Variants in NHS observed in about 807,000 individuals in gnomAD.
The protein encoded by NHS is NHS actin remodeling regulator, also known as actin remodeling regulator NHS.
NHS carries 5 observed loss-of-function variants against 72.5 expected under a neutral mutation model. The ratio of observed to expected loss-of-function variants is 0.07; its 90% confidence interval spans 0.04 to 0.14. The LOEUF (loss-of-function observed/expected upper bound fraction) is 0.14. Among genes scored for constraint, NHS ranks in the 10% least tolerant of loss-of-function variants. The pLI is 1.00. For missense variants in NHS, 1,072 were observed against 1,355.7 expected (o/e 0.79, Z 3.29); for synonymous variants, 464 against 547.7 (o/e 0.85, Z 2.13).
chrX:17,534,712 C>G (rs1478687216), intron 1 of NHS, among the ~76,000 whole-genome samples: 4 of 111,960 alleles, frequency 3.6e-5, no homozygotes, highest in African/African-American at 1.3e-4. Context: ...TCCACAGGCC[C>G]TGGTTGTTTG....
intron 3 of NHS, among the ~76,000 whole-genome samples, chrX:17,711,587 G>A (rs1424394653): frequency 1.8e-5 from 2 of 111,836 alleles, no homozygotes; most frequent in Non-Finnish European, 3.8e-5. Context: ...AGAGAGAGAT[G>A]CTTTGCAGTC....
intron 1 of NHS, chrX:17,585,945 GAGA>G (rs1345245740): frequency 2.7e-5 from 3 of 110,554 alleles, no homozygotes; most frequent in Non-Finnish European, 5.7e-5. Context: ...CAGAAGAAAT[GAGA>G]AGAACCTCGA....
chrX:17,572,559 G>A (rs1163804311), intron 1 of NHS, among the ~76,000 whole-genome samples: 2 of 85,881 alleles, frequency 2.3e-5, no homozygotes. Flanking sequence ...TTTATTTTGA[G>A]CCTTTGTGTG....
chrX:17,572,037 G>C (rs750298892), intron 1 of NHS, among the ~76,000 whole-genome samples: 1 of 112,242 alleles, frequency 8.9e-6, no homozygotes, highest in South Asian at 3.7e-4. Context: ...GAGACATTTT[G>C]TTGTGATTTC....
intron 1 of NHS, among the ~76,000 whole-genome samples, chrX:17,403,464 C>G (rs1274368243): frequency 9.0e-6 from 1 of 111,680 alleles, no homozygotes; most frequent in Admixed American, 9.5e-5. Flanking sequence ...TCCCACTGTT[C>G]TTGGTGGAAC....
chrX:17,702,170 ATAAT>A (rs1166881926), intron 3 of NHS, among the ~76,000 whole-genome samples: 1 of 110,827 alleles, frequency 9.0e-6, no homozygotes, highest in Non-Finnish European at 1.9e-5. Context: ...CCATAAATAA[ATAAT>A]TATCATCAAC....
intron 1 of NHS, among the ~76,000 whole-genome samples, chrX:17,561,056 A>T (rs775710460): frequency 8.9e-5 from 10 of 112,645 alleles, no homozygotes; most frequent in Non-Finnish European, 1.9e-4. Flanking sequence ...TCATTCTCTC[A>T]GAAACGAACC....
At chrX:17,476,413 A>T (rs1237228044) in intron 1 of NHS, among the ~76,000 whole-genome samples, 2 of 111,605 alleles carry the variant, frequency 1.8e-5, no homozygotes, top group African/African-American at 6.5e-5. Flanking sequence ...GCCTAAGAGC[A>T]GGAATTAGAT....
chrX:17,537,167 C>T (rs113284220), intron 1 of NHS, among the ~76,000 whole-genome samples: 5,811 of 111,986 alleles, frequency 0.052, 401 homozygotes, highest in African/African-American at 0.18. Context: ...GTATATGGCA[C>T]CAAACTTGAA....
At chrX:17,641,498 T>C (rs2065880539) in intron 1 of NHS, among the ~76,000 whole-genome samples, 1 of 111,878 alleles carries the variant, frequency 8.9e-6, no homozygotes, top group African/African-American at 3.3e-5. Context: ...GTCCAACATA[T>C]CACGCTGAAA....
intron 3 of NHS, among the ~76,000 whole-genome samples, chrX:17,706,361 A>G (rs1264719242): frequency 8.9e-6 from 1 of 111,822 alleles, no homozygotes; most frequent in Non-Finnish European, 1.9e-5. Context: ...ATCAATGCTA[A>G]TGACCTGGTT....
At chrX:17,466,037 C>T in intron 1 of NHS, among the ~76,000 whole-genome samples, 1 of 113,395 alleles carries the variant, frequency 8.8e-6, no homozygotes, top group Admixed American at 9.3e-5. Context: ...CATCTGCATG[C>T]ATGTGCCTTC....
chrX:17,500,187 A>C (rs1258100260), intron 1 of NHS, among the ~76,000 whole-genome samples: 1 of 112,202 alleles, frequency 8.9e-6, no homozygotes, highest in Non-Finnish European at 1.9e-5. Context: ...AACCAGGATA[A>C]GTGGCATGAT....
At chrX:17,537,437 C>T (rs766825651) in intron 1 of NHS, among the ~76,000 whole-genome samples, 8 of 112,594 alleles carry the variant, frequency 7.1e-5, no homozygotes, top group Non-Finnish European at 1.5e-4. Flanking sequence ...GAAAAACTTC[C>T]AGTAATATGC....
At chrX:17,580,622 C>T (rs2065538661) in intron 1 of NHS, among the ~76,000 whole-genome samples, 1 of 111,969 alleles carries the variant, frequency 8.9e-6, no homozygotes, top group Non-Finnish European at 1.9e-5. Context: ...TTTTCTGTCT[C>T]CTGCGGAGGA....
chrX:17,475,025 T>C (rs975864097), intron 1 of NHS, among the ~76,000 whole-genome samples: 2 of 111,474 alleles, frequency 1.8e-5, no homozygotes, highest in African/African-American at 6.5e-5. Context: ...GAATGAGCCA[T>C]AATTTCTACA....
intron 1 of NHS, among the ~76,000 whole-genome samples, chrX:17,575,605 A>T (rs2065506228): frequency 9.0e-6 from 1 of 111,629 alleles, no homozygotes; most frequent in African/African-American, 3.3e-5. Flanking sequence ...TTATTAATAG[A>T]AGTCTTTTCA....
intron 1 of NHS, among the ~76,000 whole-genome samples, chrX:17,413,784 A>G (rs897221513): frequency 4.5e-5 from 5 of 111,765 alleles, no homozygotes; most frequent in African/African-American, 6.5e-5. Flanking sequence ...CACCCCCAAA[A>G]AAAGCAGATA....
At position 17,725,424 on chromosome X, in the gene NHS, A is replaced by G. The variant is rs375665984; in HGVS notation, c.1318A>G (p.Arg440Gly). Reference protein sequence around the residue: ...TNPDPSNTVNRISGTRDSECQ... With the variant: ...TNPDPSNTVNGISGTRDSECQ... ...CCCAGACCCCTCCAACACTGTCAAT[A>G]GGATATCCGGAACCAGGGACTCTGA... is the stretch of plus-strand genomic sequence containing the variant. The change falls in exon 7 of 9, where the codon AGG (arginine) becomes GGG (glycine). Residue 440 changes from arginine (R) to glycine (G), a missense_variant. Transcript: ENST00000676302. 24 of 1,208,630 alleles carry G rather than the reference A, an allele frequency of 2.0e-5. No individual in the cohort carries two copies. The highest frequency in any genetic ancestry group is 2.7e-5 in the Non-Finnish European group (24 of 894,404).
Sources: gnomAD v4.1 joint callset for allele counts (sites outside exome capture counted in the v4.1 genomes callset) on GRCh38, gnomAD v4.1.1 for gene constraint, MANE v1.5 for transcripts, NCBI Gene and HGNC (gene_info 2026-07-23, HGNC 2026-07-21) for gene names.